Variants in DSCAM observed in about 807,000 individuals in gnomAD.
The protein encoded by DSCAM is cell adhesion molecule DSCAM.
Under a neutral mutation model 217.7 loss-of-function variants are expected in DSCAM, and 47 were observed. That is an observed-to-expected ratio of 0.22 (90% confidence interval 0.17 to 0.28). DSCAM has a LOEUF of 0.28. Ranked by LOEUF, DSCAM falls within the 10% of genes least tolerant of loss-of-function variation. The pLI is 1.00. For synonymous variants in DSCAM, 1,056 were observed against 1,015.3 expected (o/e 1.04, Z -0.76); for missense variants, 2,080 against 2,618.3 (o/e 0.79, Z 4.49).
intron 2 of DSCAM, among the ~76,000 whole-genome samples, chr21:40,703,276 G>A (rs1434221783): frequency 2.6e-5 from 4 of 152,118 alleles, no homozygotes; most frequent in African/African-American, 7.2e-5. Context: ...AGCACTTTGG[G>A]AGGCCAAGGC....
At chr21:40,260,007 G>A (rs1251621509) in intron 11 of DSCAM, among the ~76,000 whole-genome samples, 2 of 151,930 alleles carry the variant, frequency 1.3e-5, no homozygotes, top group East Asian at 1.9e-4. Context: ...GATTACAGGC[G>A]TGAGCCACCG....
At chr21:40,022,264 G>C (rs1186700549) in intron 32 of DSCAM, among the ~76,000 whole-genome samples, 1 of 152,150 alleles carries the variant, frequency 6.6e-6, no homozygotes, top group Non-Finnish European at 1.5e-5. Context: ...ACAGGGGAGG[G>C]TGACACTATT....
intron 1 of DSCAM, among the ~76,000 whole-genome samples, chr21:40,762,987 T>C (rs769381502): frequency 6.6e-6 from 1 of 152,200 alleles, no homozygotes; most frequent in Non-Finnish European, 1.5e-5. Context: ...GCCAATATCA[T>C]ACTGAATGGG....
chr21:40,545,692 C>A (rs2076576757), intron 3 of DSCAM, among the ~76,000 whole-genome samples: 1 of 152,142 alleles, frequency 6.6e-6, no homozygotes, highest in African/African-American at 2.4e-5. Flanking sequence ...GCACACCATC[C>A]CAGCACACTG....
chr21:40,321,323 T>C (rs2074256556), intron 8 of DSCAM, among the ~76,000 whole-genome samples: 2 of 152,224 alleles, frequency 1.3e-5, no homozygotes, highest in African/African-American at 4.8e-5. Flanking sequence ...CATCTTGATG[T>C]CTCAGAAGTA....
In DSCAM at chr21:40,561,718, C is replaced by A. The variant is rs533729956; in HGVS notation, c.508+131092G>T. Among the ~76,000 whole-genome samples the A allele has an allele frequency of 7.9e-4, 121 of 152,224 alleles. No homozygotes were observed. The Middle Eastern group carries it at 0.01, about 13-fold the overall frequency. ...TTAGGTCTGAGCCCAGATCTCCCAA[C>A]GACATGCTTTCATGAAACAATAATG... On this transcript the variant is annotated intron_variant, in intron 3 of 32. Coordinates refer to ENST00000400454, the MANE Select transcript of DSCAM (RefSeq NM_001389.5).
chr21:40,627,466 T>C (rs140587268), intron 3 of DSCAM, among the ~76,000 whole-genome samples: 1 of 152,318 alleles, frequency 6.6e-6, no homozygotes, highest in East Asian at 1.9e-4. Context: ...TCACTTGGGA[T>C]TTTAAAAGCT....
intron 3 of DSCAM, among the ~76,000 whole-genome samples, chr21:40,574,978 G>A (rs1391965790): frequency 1.3e-5 from 2 of 152,036 alleles, no homozygotes; most frequent in Non-Finnish European, 2.9e-5. Flanking sequence ...AGGCCTCTGA[G>A]CCCAAGCTAA....
At chr21:40,411,175 TACACACACACACACACACACACAC>T (rs902494368) in intron 3 of DSCAM, among the ~76,000 whole-genome samples, 3 of 45,106 alleles carry the variant, frequency 6.7e-5, no homozygotes, top group Non-Finnish European at 1.5e-4. Context: ...AGTAATTATA[TACACACACACACACACACACACAC>T]ACACACACAC....
chr21:40,128,830 C>T (rs779607839), intron 19 of DSCAM, among the ~76,000 whole-genome samples: 112 of 152,080 alleles, frequency 7.4e-4, no homozygotes, highest in Non-Finnish European at 1.3e-3. Context: ...CTCAACCAGA[C>T]CTGGATGCCT....
At chr21:40,226,302 A>T (rs1467131830) in intron 11 of DSCAM, among the ~76,000 whole-genome samples, 1 of 152,198 alleles carries the variant, frequency 6.6e-6, no homozygotes, top group Admixed American at 6.5e-5. Context: ...ACATAGTTTT[A>T]TTTATTACTT....
chr21:40,399,286 CAAAACAAAACA>C (rs1399969425), intron 3 of DSCAM, among the ~76,000 whole-genome samples: 1 of 150,108 alleles, frequency 6.7e-6, no homozygotes. Flanking sequence ...CAAAACAAAA[CAAAACAAAACA>C]AAACAAAACA....
chr21:40,611,922 C>G (rs902043733), intron 3 of DSCAM, among the ~76,000 whole-genome samples: 5 of 152,156 alleles, frequency 3.3e-5, no homozygotes, highest in Non-Finnish European at 7.3e-5. Flanking sequence ...TGGAAGATAG[C>G]TTGGCTTTAG....
intron 11 of DSCAM, among the ~76,000 whole-genome samples, chr21:40,274,579 G>A (rs1479028371): frequency 6.6e-6 from 1 of 152,170 alleles, no homozygotes; most frequent in Non-Finnish European, 1.5e-5. Flanking sequence ...GACCGACTCT[G>A]GTCAACATTG....
intron 3 of DSCAM, among the ~76,000 whole-genome samples, chr21:40,481,488 C>T (rs941198020): frequency 5.9e-5 from 8 of 134,992 alleles, no homozygotes; most frequent in Admixed American, 4.1e-4. Context: ...CATGCCACTG[C>T]ACTCCAGCCT....
At chr21:40,439,506 A>C (rs2075612302) in intron 3 of DSCAM, among the ~76,000 whole-genome samples, 1 of 152,230 alleles carries the variant, frequency 6.6e-6, no homozygotes, top group Non-Finnish European at 1.5e-5. Flanking sequence ...CTGAGTACTT[A>C]GGAAGCATGT....
chr21:40,480,451 C>T (rs956534523), intron 3 of DSCAM, among the ~76,000 whole-genome samples: 1 of 152,212 alleles, frequency 6.6e-6, no homozygotes, highest in African/African-American at 2.4e-5. Flanking sequence ...GCCTCACACA[C>T]ATTAAGTTCT....
intron 11 of DSCAM, among the ~76,000 whole-genome samples, chr21:40,269,864 G>A (rs2073592919): frequency 1.3e-5 from 2 of 152,164 alleles, no homozygotes; most frequent in Admixed American, 6.5e-5. Flanking sequence ...CCTGCAATGT[G>A]CAAGTACGCT....
At chr21:40,845,180 C>A (rs1322587268) in intron 1 of DSCAM, among the ~76,000 whole-genome samples, 1 of 152,216 alleles carries the variant, frequency 6.6e-6, no homozygotes, top group East Asian at 1.9e-4. Flanking sequence ...GAACTTGTTG[C>A]AATTCTTTCC....
Sources: allele counts gnomAD v4.1 joint callset (sites outside exome capture counted in the v4.1 genomes callset), GRCh38; gene constraint gnomAD v4.1.1; transcripts MANE v1.5; gene names NCBI Gene and HGNC (gene_info 2026-07-23, HGNC 2026-07-21).